ROBO2: variants seen among roughly 807,000 people sequenced by gnomAD.
ROBO2 encodes roundabout homolog 2.
A neutral mutation model predicts 160.8 loss-of-function variants in ROBO2; 53 were observed. The ratio of observed to expected loss-of-function variants is 0.33; its 90% confidence interval spans 0.26 to 0.41. The LOEUF (loss-of-function observed/expected upper bound fraction) is 0.41. ROBO2 is among the 10% of genes least tolerant of loss of function. The probability of loss-of-function intolerance (pLI) is 1.00; values close to 1 mark genes in which losing one functional copy is unlikely to be tolerated. For synonymous variants in ROBO2, 664 were observed against 611.7 expected (o/e 1.09, Z -1.26); for missense variants, 1,577 against 1,722.4 (o/e 0.92, Z 1.49).
At chr3:76,865,508 A>G (rs2071275263) in intron 2 of ROBO2, among the ~76,000 whole-genome samples, 6 of 152,080 alleles carry the variant, frequency 3.9e-5, no homozygotes, top group Admixed American at 3.9e-4. Flanking sequence ...CACCGTCACT[A>G]GTGCAGAAGA....
chr3:75,916,536 T>C (rs1241286251), intron 1 of ROBO2, among the ~76,000 whole-genome samples: 1 of 152,184 alleles, frequency 6.6e-6, no homozygotes, highest in East Asian at 1.9e-4. Flanking sequence ...TATTCAGAGA[T>C]TTTATGTGAA....
intron 2 of ROBO2, among the ~76,000 whole-genome samples, chr3:77,119,703 C>A (rs570639487): frequency 6.6e-6 from 1 of 152,254 alleles, no homozygotes; most frequent in African/African-American, 2.4e-5. Flanking sequence ...AGAGCTGTAA[C>A]AATGCAAGTA....
chr3:76,570,134 C>CA (rs1015425073), intron 2 of ROBO2, among the ~76,000 whole-genome samples: 38 of 151,908 alleles, frequency 2.5e-4, no homozygotes, highest in Non-Finnish European at 4.7e-4. Context: ...ACCCTGCCCC[C>CA]AAAAATAAAA....
intron 2 of ROBO2, among the ~76,000 whole-genome samples, chr3:77,168,569 A>ATTC (rs1209388049): frequency 1.3e-5 from 2 of 152,122 alleles, no homozygotes; most frequent in Non-Finnish European, 2.9e-5. Context: ...ACATGTTTAT[A>ATTC]TTCTATTAGT....
chr3:76,808,530 A>T (rs944839849), intron 2 of ROBO2, among the ~76,000 whole-genome samples: 1 of 152,290 alleles, frequency 6.6e-6, no homozygotes, highest in African/African-American at 2.4e-5. Context: ...AATATAAAAA[A>T]GTTAAAATAT....
chr3:76,999,364 G>A (rs896417006), intron 2 of ROBO2, among the ~76,000 whole-genome samples: 3 of 151,958 alleles, frequency 2.0e-5, no homozygotes, highest in Non-Finnish European at 4.4e-5. Context: ...ATAGGTAACT[G>A]GGGTTACCTA....
chr3:76,803,072 G>A (rs536740064), intron 2 of ROBO2, among the ~76,000 whole-genome samples: 21 of 152,224 alleles, frequency 1.4e-4, no homozygotes, highest in African/African-American at 4.1e-4. Flanking sequence ...AGCATGGAGT[G>A]TTTTGCTGAA....
intron 2 of ROBO2, among the ~76,000 whole-genome samples, chr3:76,362,362 C>T (rs1276707710): frequency 6.6e-6 from 1 of 151,828 alleles, no homozygotes; most frequent in African/African-American, 2.4e-5. Context: ...GGGTTAAGAC[C>T]TTCTCTTAAA....
At chr3:77,623,533 G>A (rs1559750681) in intron 23 of ROBO2, among the ~76,000 whole-genome samples, 1 of 152,174 alleles carries the variant, frequency 6.6e-6, no homozygotes, top group Non-Finnish European at 1.5e-5. Flanking sequence ...TACTCAATGT[G>A]TGATGCATGA....
chr3:77,522,879 C>T (rs573245224), exon 6 of ROBO2: 1 of 1,609,270 alleles, frequency 6.2e-7, no homozygotes, highest in Admixed American at 1.7e-5. Context: ...AAAATGGAAG[C>T]CTCTGCTACA....
intron 22 of ROBO2, among the ~76,000 whole-genome samples, chr3:77,618,807 A>G (rs1011812912): frequency 1.3e-5 from 2 of 152,214 alleles, no homozygotes; most frequent in African/African-American, 4.8e-5. Context: ...TCCAACAGTC[A>G]TCAGATGCTT....
intron 2 of ROBO2, among the ~76,000 whole-genome samples, chr3:76,341,653 C>T (rs1314253262): frequency 6.6e-6 from 1 of 152,064 alleles, no homozygotes; most frequent in Non-Finnish European, 1.5e-5. Flanking sequence ...TGTGTCTGTA[C>T]TTTTTCCAAT....
chr3:77,164,163 T>G (rs2078739065), intron 2 of ROBO2, among the ~76,000 whole-genome samples: 1 of 152,256 alleles, frequency 6.6e-6, no homozygotes, highest in African/African-American at 2.4e-5. Flanking sequence ...TTTATCTTTG[T>G]ATTGTTTCTT....
At chr3:76,242,622 G>A (rs549396749) in intron 2 of ROBO2, among the ~76,000 whole-genome samples, 13 of 152,164 alleles carry the variant, frequency 8.5e-5, no homozygotes, top group Non-Finnish European at 1.8e-4. Context: ...GTGGTGGCTC[G>A]GTCTTGCAAT....
In ROBO2 at chr3:76,666,013, A is replaced by ATG. The variant is rs2092026256; in HGVS notation, c.110-432000_110-431999insGT. Among the ~76,000 whole-genome samples, 3 of 122,410 alleles carry ATG rather than the reference A, an allele frequency of 2.5e-5. No homozygotes were observed. In the Admixed American group the frequency reaches 2.5e-4, roughly 10 times the overall value. The allele number at this position is 122,410 out of a possible 152,430, so 80.3% of individuals were successfully genotyped here. A position where few individuals can be genotyped will look rare whatever the true frequency, so the allele number is the denominator to read the frequency against. ...AATATATATAATATATAATATATAC[A>ATG]TATTATATATTATATATATTATATA... is the stretch of plus-strand genomic sequence containing the variant. On this transcript the variant is annotated intron_variant, in intron 2 of 26. Transcript: ENST00000487694.
intron 2 of ROBO2, among the ~76,000 whole-genome samples, chr3:76,516,599 G>T (rs180935231): frequency 2.0e-5 from 3 of 151,842 alleles, no homozygotes; most frequent in Non-Finnish European, 4.4e-5. Flanking sequence ...TGTACTCTCC[G>T]TTCTTGCATC....
chr3:77,625,544 A>AT (rs1172134107), intron 23 of ROBO2, among the ~76,000 whole-genome samples: 2 of 151,786 alleles, frequency 1.3e-5, no homozygotes, highest in African/African-American at 4.8e-5. Context: ...TGCCCAGCTG[A>AT]TTTTTGTATT....
intron 2 of ROBO2, among the ~76,000 whole-genome samples, chr3:75,954,337 G>C (rs1194747055): frequency 6.6e-6 from 1 of 151,826 alleles, no homozygotes; most frequent in African/African-American, 2.4e-5. Context: ...TCCAGCCAAG[G>C]GTGGGAAATA....
chr3:76,537,749 G>A (rs1302608757), intron 2 of ROBO2, among the ~76,000 whole-genome samples: 1 of 152,078 alleles, frequency 6.6e-6, no homozygotes, highest in African/African-American at 2.4e-5. Flanking sequence ...TATTCACTTG[G>A]GTGCAAGTGG....
Sources: gnomAD v4.1 joint callset for allele counts (sites outside exome capture counted in the v4.1 genomes callset) on GRCh38, gnomAD v4.1.1 for gene constraint, MANE v1.5 for transcripts, NCBI Gene and HGNC (gene_info 2026-07-23, HGNC 2026-07-21) for gene names.